Variants in AP3B1 observed in about 807,000 individuals in gnomAD.
The protein encoded by AP3B1 is adaptor related protein complex 3 subunit beta 1.
In AP3B1, 61 loss-of-function variants were observed where a neutral mutation model predicts 132.5. The observed-to-expected ratio is 0.46, with a 90% CI of 0.37 to 0.57. The LOEUF is 0.57. Ranked by LOEUF, AP3B1 falls within the 20% of genes least tolerant of loss-of-function variation. AP3B1 has a pLI of 0.00. For synonymous variants in AP3B1, 388 were observed against 438.3 expected (o/e 0.89, Z 1.43); for missense variants, 1,120 against 1,289.4 (o/e 0.87, Z 2.01).
chr5:78,086,155 C>T lies in AP3B1; in HGVS notation c.2577+3238G>A, dbSNP rs114989135. On this transcript the variant is annotated intron_variant, in intron 22 of 26. Transcript: ENST00000255194. Reference sequence around the variant, plus strand: ...TGAATCACCCTTTCCTTGGTTTCAACAATCAGCAGTATCCCCACTCTTTTT... The same window carrying T: ...TGAATCACCCTTTCCTTGGTTTCAATAATCAGCAGTATCCCCACTCTTTTT... 2.1e-3 allele frequency among the ~76,000 whole-genome samples: 322 copies of T among 152,226 alleles called. 1 individual carries two copies. The highest frequency in any genetic ancestry group is 7.5e-3 in the African/African-American group (310 of 41,552).
intron 11 of AP3B1, among the ~76,000 whole-genome samples, chr5:78,174,310 A>G (rs1311519624): frequency 2.6e-5 from 4 of 152,050 alleles, no homozygotes; most frequent in Non-Finnish European, 4.4e-5. Flanking sequence ...GTTTCTCCCT[A>G]TCTTTGTGGT....
chr5:78,101,013 T>G lies in AP3B1; in HGVS notation c.2410A>C (p.Lys804Gln). ...AGAGGAGTTCTATCTTGCTTTGTTT[T>G]CTTTTCTTTCTCCTATAAAATAACA... The part of the protein sequence containing the change: ...SRRVTKEKEK[K>Q]TKQDRTPLTK... Residue 804 changes from lysine (K) to glutamine (Q), a missense_variant, in exon 21 of 27, where the codon AAA becomes CAA. By Grantham distance (53) the Lys-to-Gln change is moderately conservative (BLOSUM62 1). Coordinates refer to ENST00000255194, the MANE Select transcript of AP3B1 (RefSeq NM_003664.5). 4 of 1,471,954 alleles carry G rather than the reference T, an allele frequency of 2.7e-6. No individual in the cohort carries two copies. The highest frequency in any genetic ancestry group is 3.8e-6 in the Non-Finnish European group (4 of 1,060,404). The allele number at this position is 1,471,954 out of a possible 1,614,324, so 91.2% of individuals were successfully genotyped here. A position where few individuals can be genotyped will look rare whatever the true frequency, so the allele number is the denominator to read the frequency against.
chr5:78,205,069 GT>G (rs1745449271), intron 7 of AP3B1, among the ~76,000 whole-genome samples: 1 of 152,014 alleles, frequency 6.6e-6, no homozygotes, highest in African/African-American at 2.4e-5. Context: ...CAACTTATCT[GT>G]TTCTCTTGGA....
At chr5:78,279,295 AG>A (rs1420615677) in intron 1 of AP3B1, among the ~76,000 whole-genome samples, 7 of 152,170 alleles carry the variant, frequency 4.6e-5, no homozygotes, top group African/African-American at 1.4e-4. Flanking sequence ...TAACTTATTT[AG>A]CCACGTGGTA....
intron 26 of AP3B1, among the ~76,000 whole-genome samples, chr5:78,004,878 C>T (rs1746326641): frequency 2.0e-5 from 3 of 152,224 alleles, no homozygotes; most frequent in South Asian, 2.1e-4. Flanking sequence ...TTAACACACA[C>T]ATCCATCTGC....
chr5:78,240,055 C>T (rs1747059397), intron 3 of AP3B1, among the ~76,000 whole-genome samples: 1 of 152,200 alleles, frequency 6.6e-6, no homozygotes, highest in Non-Finnish European at 1.5e-5. Flanking sequence ...ATCACACACC[C>T]ATCCTCCTTA....
chr5:78,241,688 A>G, intron 2 of AP3B1, among the ~76,000 whole-genome samples: 1 of 151,822 alleles, frequency 6.6e-6, no homozygotes, highest in East Asian at 1.9e-4. Context: ...AATCTCTGAA[A>G]CTCCTAAGAT....
intron 7 of AP3B1, among the ~76,000 whole-genome samples, chr5:78,212,548 T>C (rs751472899): frequency 6.6e-6 from 1 of 152,186 alleles, no homozygotes; most frequent in Non-Finnish European, 1.5e-5. Flanking sequence ...GGTGCTTATA[T>C]AGCATTTATG....
At chr5:78,132,152 C>T (rs1416873993) in intron 15 of AP3B1, among the ~76,000 whole-genome samples, 1 of 152,142 alleles carries the variant, frequency 6.6e-6, no homozygotes, top group African/African-American at 2.4e-5. Flanking sequence ...AATGTGACAA[C>T]TACGGTTTTA....
At chr5:78,276,290 A>G (rs562205126) in intron 1 of AP3B1, among the ~76,000 whole-genome samples, 1 of 152,108 alleles carries the variant, frequency 6.6e-6, no homozygotes, top group African/African-American at 2.4e-5. Context: ...CTGATCTTGA[A>G]CTTTTGAACT....
At chr5:78,017,946 T>A (rs539243877) in intron 25 of AP3B1, among the ~76,000 whole-genome samples, 81 of 151,958 alleles carry the variant, frequency 5.3e-4, no homozygotes, top group African/African-American at 1.9e-3. Context: ...CATAAAAAAA[T>A]TCAGAAAAAT....
chr5:78,288,340 T>C (rs998317727), intron 1 of AP3B1, among the ~76,000 whole-genome samples: 4 of 152,216 alleles, frequency 2.6e-5, no homozygotes, highest in African/African-American at 7.2e-5. Context: ...ATAATTGTTA[T>C]GCATTTTTAT....
chr5:78,279,808 C>A (rs867261978), intron 1 of AP3B1, among the ~76,000 whole-genome samples: 3 of 134,258 alleles, frequency 2.2e-5, no homozygotes, highest in Non-Finnish European at 1.6e-5. Flanking sequence ...ATATTAAGTC[C>A]TATATATGTA....
intron 17 of AP3B1, chr5:78,121,657 T>A (rs1317472536): frequency 6.6e-6 from 1 of 152,194 alleles, no homozygotes; most frequent in Non-Finnish European, 1.5e-5. Flanking sequence ...AGAAGTTGAA[T>A]CTCTGAATAG....
intron 24 of AP3B1, among the ~76,000 whole-genome samples, chr5:78,022,814 T>C (rs1235077129): frequency 1.3e-5 from 2 of 152,160 alleles, no homozygotes; most frequent in Non-Finnish European, 2.9e-5. Context: ...TTGATTTTTT[T>C]TAAGGATTTA....
intron 14 of AP3B1, among the ~76,000 whole-genome samples, chr5:78,145,220 A>G: frequency 6.6e-6 from 1 of 152,348 alleles, no homozygotes; most frequent in East Asian, 1.9e-4. Context: ...AGCCCTCAAT[A>G]TGATAAAATC....
In AP3B1 at chr5:78,141,115, G is replaced by C. The variant is rs551131609; in HGVS notation, c.1650+28C>G. The C allele has an allele frequency of 3.1e-6, 5 of 1,604,198 alleles. No individual in the cohort carries two copies. In the African/African-American group the frequency reaches 5.3e-5, roughly 17 times the overall value. The stretch of plus-strand genomic sequence containing the variant: ...AGAGTGAAGAGGAAAGTACGTATTA[G>C]ATAGGTTGACTAACATTTGCCTCTC... On this transcript the variant is annotated intron_variant, in intron 15 of 26. Coordinates refer to ENST00000255194, the MANE Select transcript of AP3B1 (RefSeq NM_003664.5).
intron 26 of AP3B1, chr5:78,003,551 T>G: frequency 7.4e-6 from 3 of 403,838 alleles, no homozygotes; most frequent in Non-Finnish European, 1.0e-5. Context: ...AAATTCTTAC[T>G]AAGTTTCAAT....
chr5:78,090,462 T>C (rs1023350246), intron 21 of AP3B1, among the ~76,000 whole-genome samples: 2 of 152,226 alleles, frequency 1.3e-5, no homozygotes, highest in Non-Finnish European at 2.9e-5. Context: ...TTCTACTCTG[T>C]TTGCCTACTT....
Sources: allele counts gnomAD v4.1 joint callset (sites outside exome capture counted in the v4.1 genomes callset), GRCh38; gene constraint gnomAD v4.1.1; transcripts MANE v1.5; gene names NCBI Gene and HGNC (gene_info 2026-07-23, HGNC 2026-07-21).